Variants in CPVL observed in about 807,000 individuals in gnomAD.
The protein encoded by CPVL is probable serine carboxypeptidase CPVL.
A neutral mutation model predicts 63.7 loss-of-function variants in CPVL; 51 were observed. The ratio of observed to expected loss-of-function variants is 0.80; its 90% CI spans 0.64 to 1.01. CPVL has a LOEUF of 1.01. CPVL is among the 50% of genes least tolerant of loss of function. The pLI is 0.00. For synonymous variants in CPVL, 195 were observed against 206.0 expected (o/e 0.95, Z 0.46); for missense variants, 530 against 573.1 (o/e 0.92, Z 0.77).
At chr7:29,173,093 T>C (rs1251471735) in intron 5 of CPVL, among the ~76,000 whole-genome samples, 2 of 147,672 alleles carry the variant, frequency 1.4e-5, no homozygotes, top group Admixed American at 6.8e-5. Flanking sequence ...ATTGCGCCAA[T>C]GTACTCCAGC....
At chr7:29,157,853 T>C (rs2128704191) in intron 5 of CPVL, among the ~76,000 whole-genome samples, 1 of 152,270 alleles carries the variant, frequency 6.6e-6, no homozygotes, top group East Asian at 1.9e-4. Flanking sequence ...AAAATCCTTC[T>C]ATGTAGATTA....
At chr7:29,034,438 T>C (rs1349514068) in intron 11 of CPVL, among the ~76,000 whole-genome samples, 5 of 152,058 alleles carry the variant, frequency 3.3e-5, no homozygotes, top group Non-Finnish European at 7.4e-5. Context: ...TATTGATTTA[T>C]TTTTCTTCAA....
At chr7:29,027,207 C>T (rs1217336145) in intron 12 of CPVL, among the ~76,000 whole-genome samples, 1 of 152,106 alleles carries the variant, frequency 6.6e-6, no homozygotes, top group East Asian at 1.9e-4. Flanking sequence ...AAACATGATA[C>T]ATCACATCAA....
chr7:29,053,230 C>A (rs1790381507), intron 11 of CPVL, among the ~76,000 whole-genome samples: 1 of 152,066 alleles, frequency 6.6e-6, no homozygotes, highest in African/African-American at 2.4e-5. Context: ...CCCAGTAATT[C>A]CACTCTTAGG....
intron 7 of CPVL, among the ~76,000 whole-genome samples, chr7:29,085,698 G>T (rs1032965720): frequency 6.6e-6 from 1 of 152,180 alleles, no homozygotes; most frequent in Non-Finnish European, 1.5e-5. Context: ...CCACCTTGAC[G>T]CAGTGATCCA....
In CPVL at chr7:29,103,188, G is replaced by C. The variant is rs1030466821; in HGVS notation, c.289-6971C>G. ...ACAGTAAGTTAATATACTGGGGGGG[G>C]GGGGGGGGTGCTAAAAACTTGCCAA... On this transcript the variant is annotated intron_variant, in intron 3 of 12. Coordinates refer to ENST00000265394, the MANE Select transcript of CPVL (RefSeq NM_031311.5). Among the ~76,000 whole-genome samples the C allele has an allele frequency of 6.4e-5, 9 of 140,532 alleles. 1 individual carries two copies. Among genetic ancestry groups the C allele is most frequent in the South Asian group, 2.6e-4 (1 of 3,852 alleles). The allele number at this position is 140,532 out of a possible 152,430, so 92.2% of individuals were successfully genotyped here. A position where few individuals can be genotyped will look rare whatever the true frequency, so the allele number is the denominator to read the frequency against.
At chr7:29,000,440 G>GGCGTGGAAATGCAGGAA (rs1433663957) in intron 12 of CPVL, among the ~76,000 whole-genome samples, 2 of 151,494 alleles carry the variant, frequency 1.3e-5, no homozygotes, top group African/African-American at 4.8e-5. Flanking sequence ...AAATGCAGGA[G>GGCGTGGAAATGCAGGAA]GCATGGAAAT....
At position 29,146,452 on chromosome 7, in the gene CPVL, T is replaced by G; in HGVS notation, c.-34A>C. 1.5e-6 allele frequency: 2 copies of G among 1,372,076 alleles called. No individual in the cohort carries two copies. The highest frequency in any genetic ancestry group is 9.7e-7 in the Non-Finnish European group (1 of 1,036,082). The allele number at this position is 1,372,076 out of a possible 1,614,324, so 85.0% of individuals were successfully genotyped here. Reference sequence around the variant, plus strand: ...ACGCGGCGCAGTCGGTGCTCCTCCCTGAGCCGCGGCGCGCAAGGACCCCAG... The same window carrying G: ...ACGCGGCGCAGTCGGTGCTCCTCCCGGAGCCGCGGCGCGCAAGGACCCCAG... On this transcript the variant is annotated 5_prime_UTR_variant, in exon 1 of 13. Coordinates refer to ENST00000265394, the MANE Select transcript of CPVL (RefSeq NM_031311.5).
At chr7:29,175,953 G>A (rs1345992156) in intron 5 of CPVL, among the ~76,000 whole-genome samples, 2 of 152,136 alleles carry the variant, frequency 1.3e-5, no homozygotes, top group South Asian at 4.1e-4. Flanking sequence ...TTGGGAGGCC[G>A]AGGCGGGAAG....
At chr7:29,029,671 C>T (rs541688915) in intron 12 of CPVL, among the ~76,000 whole-genome samples, 86 of 151,896 alleles carry the variant, frequency 5.7e-4, no homozygotes, top group Middle Eastern at 3.4e-3. Flanking sequence ...GGTGGGAAGA[C>T]GAAGAGAGAT....
chr7:29,034,867 A>AG (rs1788372154), intron 11 of CPVL, among the ~76,000 whole-genome samples: 1 of 150,348 alleles, frequency 6.7e-6, no homozygotes, highest in Admixed American at 6.6e-5. Context: ...AAAAAAAAAA[A>AG]AAGAACAATA....
intron 1 of CPVL, among the ~76,000 whole-genome samples, chr7:29,187,972 C>G (rs146282023): frequency 1.1e-3 from 169 of 152,268 alleles, no homozygotes; most frequent in African/African-American, 3.8e-3. Flanking sequence ...GTATCTGTAG[C>G]TAAATTAGGA....
chr7:29,086,379 T>C, intron 7 of CPVL, 105 bp downstream of exon 7: 1 of 772,730 alleles, frequency 1.3e-6, no homozygotes, highest in South Asian at 1.5e-5. Flanking sequence ...TATGTATGTG[T>C]ACATGTATAT....
chr7:29,064,506 C>A (rs2128564611), intron 10 of CPVL, among the ~76,000 whole-genome samples: 1 of 152,196 alleles, frequency 6.6e-6, no homozygotes, highest in Middle Eastern at 3.4e-3. Flanking sequence ...TAATCTTTTG[C>A]AATCTGTGAC....
chr7:29,099,316 TG>T (rs1476918116), intron 3 of CPVL, among the ~76,000 whole-genome samples: 7 of 152,238 alleles, frequency 4.6e-5, no homozygotes, highest in Non-Finnish European at 8.8e-5. Flanking sequence ...TTCTCGCTCC[TG>T]TAGCCCACAA....
At chr7:29,071,566 A>T in intron 9 of CPVL, among the ~76,000 whole-genome samples, 1 of 152,202 alleles carries the variant, frequency 6.6e-6, no homozygotes, top group Non-Finnish European at 1.5e-5. Context: ...TCAGGCTTAA[A>T]ATATAGCCAA....
In CPVL at chr7:29,167,429, T is replaced by C. The variant is rs1724115836; in HGVS notation, c.-11+13861A>G. ...CATGAGAGCTATTTCCAGTTTTTCTTTTTGCTTGTTTGATTCGCTGGTACA... is the reference window on the plus strand; with the variant it reads ...CATGAGAGCTATTTCCAGTTTTTCTCTTTGCTTGTTTGATTCGCTGGTACA... On this transcript the variant is annotated intron_variant, in intron 5 of 16. Coordinates refer to the CPVL transcript ENST00000409850. 2.0e-5 allele frequency among the ~76,000 whole-genome samples: 3 copies of C among 152,196 alleles called. No homozygotes were observed. The South Asian group carries it at 6.2e-4, about 32-fold the overall frequency.
intron 6 of CPVL, among the ~76,000 whole-genome samples, chr7:29,087,700 G>T (rs973309000): frequency 2.0e-5 from 3 of 152,208 alleles, no homozygotes; most frequent in Admixed American, 2.0e-4. Context: ...CATCCAGGAA[G>T]ATGAAAGGCA....
Position 29,120,929 on chromosome 7 carries a change from G to A in CPVL, c.133C>T (p.Leu45Phe), listed in dbSNP as rs771997351. Residue 45 changes from leucine (L) to phenylalanine (F), a missense_variant, in exon 2 of 13, where the codon CTC becomes TTC. Physicochemically the swap from Leu to Phe is conservative, Grantham distance 22 (BLOSUM62 0). Transcript: ENST00000265394. ...TTCCCAGCTTCAATGTAAGGGGTGA[G>A]AAATAATGGCTGTCCTGAGTCTCCC... is the stretch of plus-strand genomic sequence containing the variant. ...PKGDSGQPLF[L>F]TPYIEAGKIQ... 15 of 1,613,440 alleles carry A rather than the reference G, an allele frequency of 9.3e-6. No individual in the cohort carries two copies. Among genetic ancestry groups the A allele is most frequent in the East Asian group, 2.2e-5 (1 of 44,880 alleles).
Sources: gnomAD v4.1 joint callset for allele counts (sites outside exome capture counted in the v4.1 genomes callset) on GRCh38, gnomAD v4.1.1 for gene constraint, MANE v1.5 for transcripts, NCBI Gene and HGNC (gene_info 2026-07-23, HGNC 2026-07-21) for gene names.